PTER: variants seen among roughly 807,000 people sequenced by gnomAD.
PTER encodes the protein N-acetyltaurine hydrolase.
Under a neutral mutation model 29.6 loss-of-function variants are expected in PTER, and 38 were observed. The observed-to-expected ratio is 1.28, with a 90% CI of 0.99 to 1.68. The LOEUF (loss-of-function observed/expected upper bound fraction) is 1.68. Among genes scored for constraint, PTER ranks in the 40% most tolerant of loss-of-function variants. PTER has a pLI of 0.00. For synonymous variants in PTER, 172 were observed against 154.5 expected, an observed-to-expected ratio of 1.11 and a Z score of -0.84; for missense variants, 482 against 427.8, an observed-to-expected ratio of 1.13 and a Z score of -1.12.
chr10:16,474,617 G>A (rs989753293), intron 1 of PTER, among the ~76,000 whole-genome samples: 6 of 152,058 alleles, frequency 3.9e-5, no homozygotes, highest in African/African-American at 9.7e-5. Flanking sequence ...GTCAGGCTTC[G>A]TGGGTGACAA....
chr10:16,506,641 T>C (rs533861213), intron 4 of PTER, among the ~76,000 whole-genome samples: 91 of 151,940 alleles, frequency 6.0e-4, no homozygotes, highest in African/African-American at 2.1e-3. Context: ...TCCATGGAAA[T>C]GAGAGGGCAT....
intron 3 of PTER, among the ~76,000 whole-genome samples, chr10:16,493,018 ACAT>A (rs1835957217): frequency 6.6e-6 from 1 of 152,230 alleles, no homozygotes; most frequent in Non-Finnish European, 1.5e-5. Flanking sequence ...GTGGGATATC[ACAT>A]CATTCATTCA....
chr10:16,481,006 CTT>C (rs1835461553), intron 1 of PTER, among the ~76,000 whole-genome samples: 1 of 152,142 alleles, frequency 6.6e-6, no homozygotes, highest in South Asian at 2.1e-4. Flanking sequence ...TATTTTTTGT[CTT>C]TAAACCCTCT....
In PTER at chr10:16,512,916, G is replaced by A. The variant is rs1360628536; in HGVS notation, c.*1660G>A. ...AATCTTTTCCTTAGATGAAAGAGAT[G>A]GCTTTTGGCAGTGTGTTCTAACCAG... On this transcript the variant is annotated 3_prime_UTR_variant, in exon 5 of 5. Transcript: ENST00000535784. 7 of 152,484 alleles carry A rather than the reference G, an allele frequency of 4.6e-5. No individual in the cohort carries two copies. The highest frequency in any genetic ancestry group is 3.2e-3 in the Middle Eastern group (1 of 316). 9.4% of individuals were successfully genotyped at this position (152,484 alleles called of 1,614,324 possible).
In PTER at chr10:16,449,459, TCTCA is replaced by T. The variant is rs1248268270; in HGVS notation, c.-49+12420_-49+12423del. Among the ~76,000 whole-genome samples, 9 of 116,156 alleles carry T rather than the reference TCTCA, an allele frequency of 7.7e-5. No homozygotes were observed. In the Admixed American group the frequency reaches 1.1e-3, roughly 14 times the overall value. The allele number at this position is 116,156 out of a possible 152,430, so 76.2% of individuals were successfully genotyped here. Reference sequence around the variant, plus strand: ...TTTTTTTTTTTTTTTTGAGACGGAGTCTCACTCACTCCGTCGCCCAGGGTACAGT... The same window carrying T: ...TTTTTTTTTTTTTTTTGAGACGGAGTCTCACTCCGTCGCCCAGGGTACAGT... On this transcript the variant is annotated intron_variant, in intron 1 of 4. Transcript: ENST00000535784.
intron 1 of PTER, among the ~76,000 whole-genome samples, chr10:16,469,360 G>T (rs1834962690): frequency 6.6e-6 from 1 of 152,178 alleles, no homozygotes; most frequent in African/African-American, 2.4e-5. Flanking sequence ...CTCAGGGAGA[G>T]ACACATTCTT....
At chr10:16,464,093 G>A (rs897331247) in intron 1 of PTER, among the ~76,000 whole-genome samples, 1 of 152,216 alleles carries the variant, frequency 6.6e-6, no homozygotes, top group Non-Finnish European at 1.5e-5. Context: ...GCTCTTCAGA[G>A]AAACACACAG....
At chr10:16,488,044 A>G (rs1044170037) in intron 3 of PTER, among the ~76,000 whole-genome samples, 1 of 152,196 alleles carries the variant, frequency 6.6e-6, no homozygotes, top group African/African-American at 2.4e-5. Flanking sequence ...AAATATAAAC[A>G]AGTTGTAGTT....
intron 1 of PTER, among the ~76,000 whole-genome samples, chr10:16,477,746 C>T (rs547785538): frequency 1.5e-4 from 23 of 152,262 alleles, no homozygotes; most frequent in African/African-American, 5.5e-4. Flanking sequence ...GACCACACCA[C>T]CTCAAGAATA....
At chr10:16,452,194 T>TACACACACACACACACACACACAC (rs375537112) in intron 1 of PTER, among the ~76,000 whole-genome samples, 6 of 146,318 alleles carry the variant, frequency 4.1e-5, no homozygotes, top group South Asian at 4.3e-4. Flanking sequence ...ACCAGTGGGA[T>TACACACACACACACACACACACAC]ACACACACAC....
intron 1 of PTER, among the ~76,000 whole-genome samples, chr10:16,448,457 T>C (rs1412604169): frequency 1.3e-5 from 2 of 152,168 alleles, no homozygotes; most frequent in Non-Finnish European, 2.9e-5. Flanking sequence ...CCACTAAGCA[T>C]TGTGCCTCTT....
At chr10:16,472,855 A>G (rs1041428629) in intron 1 of PTER, among the ~76,000 whole-genome samples, 1 of 152,184 alleles carries the variant, frequency 6.6e-6, no homozygotes, top group Non-Finnish European at 1.5e-5. Context: ...TGAGAATTTT[A>G]TGTATGTAGC....
chr10:16,454,604 A>G (rs1447121306), intron 1 of PTER, among the ~76,000 whole-genome samples: 4 of 152,106 alleles, frequency 2.6e-5, no homozygotes, highest in Non-Finnish European at 5.9e-5. Flanking sequence ...GAATTAGAGA[A>G]TTAGCCTATT....
At chr10:16,477,175 A>T (rs890141025) in intron 1 of PTER, among the ~76,000 whole-genome samples, 3 of 152,126 alleles carry the variant, frequency 2.0e-5, no homozygotes, top group African/African-American at 7.2e-5. Flanking sequence ...GAGTGCTGGG[A>T]TTACAGGCAT....
In PTER at chr10:16,511,096, A is replaced by G. The variant is rs1836791926; in HGVS notation, c.890A>G (p.His297Arg). The G allele has an allele frequency of 1.2e-6, 2 of 1,613,996 alleles. No homozygotes were observed. The highest frequency in any genetic ancestry group is 1.7e-5 in the Admixed American group (1 of 60,002). Reference protein sequence around the residue: ...EGCEDRILVAHDIHTKTRLMK... With the variant: ...EGCEDRILVARDIHTKTRLMK... ...TGTGAAGATCGAATTCTGGTAGCACATGACATACATACGAAAACCCGGCTG... is the reference window on the plus strand; with the variant it reads ...TGTGAAGATCGAATTCTGGTAGCACGTGACATACATACGAAAACCCGGCTG... Residue 297 changes from histidine (H) to arginine (R), a missense_variant, in exon 5 of 5, where the codon CAT becomes CGT. Coordinates refer to ENST00000535784, the MANE Select transcript of PTER (RefSeq NM_001261836.2).
chr10:16,495,911 T>G (rs1436063723), intron 3 of PTER, among the ~76,000 whole-genome samples: 1 of 152,238 alleles, frequency 6.6e-6, no homozygotes, highest in African/African-American at 2.4e-5. Context: ...ATTGTGAGTT[T>G]CACAGCCTGC....
At chr10:16,515,475 CCT>C (rs1836936050), downstream of PTER, among the ~76,000 whole-genome samples, 1 of 152,104 alleles carries the variant, frequency 6.6e-6, no homozygotes, top group African/African-American at 2.4e-5. Context: ...TGCTCTGAGG[CCT>C]CTCAAGTTTC....
intron 1 of PTER, among the ~76,000 whole-genome samples, chr10:16,451,688 C>T (rs1196245302): frequency 6.6e-6 from 1 of 151,968 alleles, no homozygotes; most frequent in African/African-American, 2.4e-5. Flanking sequence ...CTCCAGCCTG[C>T]ACAACAGAGT....
At chr10:16,471,442 A>T (rs1249099346) in intron 1 of PTER, among the ~76,000 whole-genome samples, 2 of 151,986 alleles carry the variant, frequency 1.3e-5, no homozygotes, top group African/African-American at 2.4e-5. Flanking sequence ...AAAAACTGGA[A>T]AATACATTAA....
Sources: gnomAD v4.1 joint callset for allele counts (sites outside exome capture counted in the v4.1 genomes callset) on GRCh38, gnomAD v4.1.1 for gene constraint, MANE v1.5 for transcripts, NCBI Gene and HGNC (gene_info 2026-07-23, HGNC 2026-07-21) for gene names.